Variants in PCDH9 observed in about 807,000 individuals in gnomAD.
PCDH9 encodes protocadherin-9.
PCDH9 carries 24 observed loss-of-function variants against 70.6 expected under a neutral mutation model. The ratio of observed to expected loss-of-function variants is 0.34; its 90% CI spans 0.25 to 0.48. PCDH9 has a LOEUF of 0.48. Ranked by LOEUF, PCDH9 falls within the 20% of genes least tolerant of loss-of-function variation. PCDH9 has a pLI of 0.99. For synonymous variants in PCDH9, 562 were observed against 558.5 expected (o/e 1.01, Z -0.09); for missense variants, 1,281 against 1,503.6 (o/e 0.85, Z 2.45).
chr13:66,724,384 TA>T lies in PCDH9; in HGVS notation c.3139-92974del, dbSNP rs533023745. Among the ~76,000 whole-genome samples, 440 of 152,310 alleles carry T rather than the reference TA, an allele frequency of 2.9e-3. 5 individuals are homozygous for T. The highest frequency in any genetic ancestry group is 0.015 in the South Asian group (70 of 4,824). On this transcript the variant is annotated intron_variant, in intron 3 of 4. Transcript: ENST00000377865. ...AGGAAAACCATACCCCTGCTTCATCTAAGGGAGCAACAAAATAATTCTATAC... is the reference window on the plus strand; with the variant it reads ...AGGAAAACCATACCCCTGCTTCATCTAGGGAGCAACAAAATAATTCTATAC...
intron 3 of PCDH9, among the ~76,000 whole-genome samples, chr13:66,838,024 A>G (rs1418715467): frequency 6.6e-6 from 1 of 152,242 alleles, no homozygotes; most frequent in Non-Finnish European, 1.5e-5. Context: ...ATTAAAATTA[A>G]AGCATAAAAA....
At chr13:66,419,461 A>T (rs111531762) in intron 4 of PCDH9, among the ~76,000 whole-genome samples, 1,826 of 151,780 alleles carry the variant, frequency 0.012, 40 homozygotes, top group African/African-American at 0.042. Flanking sequence ...TACCCAGTTC[A>T]TCTCACTAGG....
At chr13:66,475,252 T>C (rs1239917170) in intron 4 of PCDH9, among the ~76,000 whole-genome samples, 1 of 152,086 alleles carries the variant, frequency 6.6e-6, no homozygotes, top group African/African-American at 2.4e-5. Flanking sequence ...AGAGACCATA[T>C]GTATAAAGCA....
intron 2 of PCDH9, among the ~76,000 whole-genome samples, chr13:66,940,394 A>AT (rs2082988211): frequency 6.6e-6 from 1 of 151,978 alleles, no homozygotes; most frequent in South Asian, 2.1e-4. Flanking sequence ...TGAGTCAGTA[A>AT]TTTTTTCAGA....
chr13:66,550,195 TATA>T (rs1333538509), intron 4 of PCDH9, among the ~76,000 whole-genome samples: 1 of 152,134 alleles, frequency 6.6e-6, no homozygotes, highest in Non-Finnish European at 1.5e-5. Context: ...ATTTGCGTTT[TATA>T]ATAATTGTTT....
intron 2 of PCDH9, among the ~76,000 whole-genome samples, chr13:66,984,669 A>C (rs1422778996): frequency 6.6e-6 from 1 of 152,160 alleles, no homozygotes; most frequent in Non-Finnish European, 1.5e-5. Context: ...CAGAAAGAAA[A>C]TCTATCTACA....
At chr13:66,324,932 C>T (rs138681378) in intron 4 of PCDH9, among the ~76,000 whole-genome samples, 7 of 151,738 alleles carry the variant, frequency 4.6e-5, no homozygotes, top group African/African-American at 7.3e-5. Flanking sequence ...AAACTTAGAG[C>T]GTCTGTCATC....
chr13:67,069,732 G>A (rs2085722276), intron 2 of PCDH9, among the ~76,000 whole-genome samples: 1 of 152,074 alleles, frequency 6.6e-6, no homozygotes, highest in Non-Finnish European at 1.5e-5. Context: ...TATTTACTGT[G>A]AGGAAATTTG....
intron 3 of PCDH9, among the ~76,000 whole-genome samples, chr13:66,745,668 G>C (rs1280656014): frequency 1.3e-5 from 2 of 152,066 alleles, no homozygotes; most frequent in Non-Finnish European, 2.9e-5. Flanking sequence ...TCTAGAGCAT[G>C]CTCATCTTAA....
At chr13:66,611,301 A>C (rs1024395380) in intron 4 of PCDH9, among the ~76,000 whole-genome samples, 1 of 152,228 alleles carries the variant, frequency 6.6e-6, no homozygotes, top group African/African-American at 2.4e-5. Flanking sequence ...TTGCAGTCAA[A>C]TTATGACTAA....
intron 3 of PCDH9, among the ~76,000 whole-genome samples, chr13:66,641,567 T>G (rs2077709092): frequency 6.6e-6 from 1 of 152,186 alleles, no homozygotes; most frequent in Non-Finnish European, 1.5e-5. Flanking sequence ...GCATGACATG[T>G]ATTTGAGAAA....
At chr13:67,194,009 T>C (rs1368607552) in intron 2 of PCDH9, among the ~76,000 whole-genome samples, 1 of 152,158 alleles carries the variant, frequency 6.6e-6, no homozygotes, top group Admixed American at 6.5e-5. Context: ...TTTACATTTT[T>C]TCTATTACAT....
chr13:66,344,289 G>C (rs1042467750), intron 4 of PCDH9, among the ~76,000 whole-genome samples: 10 of 151,514 alleles, frequency 6.6e-5, no homozygotes, highest in Admixed American at 2.6e-4. Context: ...ACCACGCCCA[G>C]CTAATTTTTT....
chr13:67,153,848 A>C (rs931814479), intron 2 of PCDH9, among the ~76,000 whole-genome samples: 2 of 152,236 alleles, frequency 1.3e-5, no homozygotes, highest in African/African-American at 4.8e-5. Flanking sequence ...GTTTACTCTG[A>C]AACAACTGAA....
intron 2 of PCDH9, 104 bp downstream of exon 2, chr13:67,225,301 C>T: frequency 1.5e-6 from 2 of 1,356,296 alleles, no homozygotes; most frequent in Non-Finnish European, 1.0e-6. Flanking sequence ...CTCTTTCTAA[C>T]TAAGCTAAAG....
At chr13:66,613,737 T>C (rs2077321614) in intron 4 of PCDH9, among the ~76,000 whole-genome samples, 1 of 144,198 alleles carries the variant, frequency 6.9e-6, no homozygotes, top group South Asian at 2.4e-4. Flanking sequence ...GTGTGTGTAC[T>C]GTGTGCGATG....
chr13:67,184,910 A>G (rs2088711753), intron 2 of PCDH9, among the ~76,000 whole-genome samples: 1 of 152,144 alleles, frequency 6.6e-6, no homozygotes, highest in African/African-American at 2.4e-5. Flanking sequence ...CCTCATCTTA[A>G]TACATCCCTT....
chr13:66,454,012 A>G (rs955596646), intron 4 of PCDH9, among the ~76,000 whole-genome samples: 2 of 152,060 alleles, frequency 1.3e-5, no homozygotes, highest in African/African-American at 4.8e-5. Context: ...TTGAATATAT[A>G]CCTTGGGAAC....
Position 66,304,413 on chromosome 13 carries a change from A to T in PCDH9, c.*242T>A. 1 of 421,032 alleles carries T rather than the reference A, an allele frequency of 2.4e-6. No individual in the cohort carries two copies. The highest frequency in any genetic ancestry group is 6.3e-4 in the Middle Eastern group (1 of 1,592). The allele number at this position is 421,032 out of a possible 1,614,324, so 26.1% of individuals were successfully genotyped here. ...CAAAATAAAATGCAATAATAAAAAA[A>T]ATTTGCACAATGGAGAGATCTCTGG... On this transcript the variant is annotated 3_prime_UTR_variant, in exon 5 of 5. Transcript: ENST00000377865.
Sources: allele counts gnomAD v4.1 joint callset (sites outside exome capture counted in the v4.1 genomes callset), GRCh38; gene constraint gnomAD v4.1.1; transcripts MANE v1.5; gene names NCBI Gene and HGNC (gene_info 2026-07-23, HGNC 2026-07-21).